Variants in NAV3 observed in about 807,000 individuals in gnomAD.
The protein encoded by NAV3 is neuron navigator 3.
NAV3 carries 87 observed loss-of-function variants against 244.7 expected under a neutral mutation model. The observed-to-expected ratio is 0.36, with a 90% CI of 0.30 to 0.42. The LOEUF is 0.42. NAV3 is among the 20% of genes least tolerant of loss of function. The pLI is 1.00. For missense variants in NAV3, 2,663 were observed against 2,893.3 expected (o/e 0.92, Z 1.83); for synonymous variants, 1,126 against 1,042.2 (o/e 1.08, Z -1.55).
At chr12:78,204,844 A>C in intron 38 of NAV3, 91 bp from the exon 39 acceptor site, 1 of 1,114,288 alleles carries the variant, frequency 9.0e-7, no homozygotes, top group Non-Finnish European at 1.3e-6. Context: ...AGAACTCAAT[A>C]TGTCAAAAAA....
chr12:77,963,834 T>A (rs1339725483), intron 3 of NAV3, among the ~76,000 whole-genome samples: 2 of 147,994 alleles, frequency 1.4e-5, no homozygotes, highest in Non-Finnish European at 3.0e-5. Context: ...TCCTTCCCCT[T>A]CCTTCCTTCC....
intron 2 of NAV3, among the ~76,000 whole-genome samples, chr12:77,767,872 T>G (rs1869860494): frequency 6.6e-6 from 1 of 152,224 alleles, no homozygotes. Flanking sequence ...ACAGCCCTGT[T>G]TCTGTTACAG....
chr12:77,984,921 A>T (rs1177336673), intron 5 of NAV3, among the ~76,000 whole-genome samples: 2 of 151,866 alleles, frequency 1.3e-5, no homozygotes, highest in Non-Finnish European at 2.9e-5. Flanking sequence ...GGTTCAAGCG[A>T]TTCTCCTGCC....
intron 2 of NAV3, among the ~76,000 whole-genome samples, chr12:77,596,133 A>AC (rs1870157720): frequency 6.6e-6 from 1 of 152,196 alleles, no homozygotes; most frequent in Non-Finnish European, 1.5e-5. Context: ...CTGGGTCCAT[A>AC]TCACAGCTCT....
chr12:78,148,685 T>G, intron 21 of NAV3, 157 bp from the exon 22 acceptor site: 1 of 609,974 alleles, frequency 1.6e-6, no homozygotes, highest in East Asian at 2.9e-5. Flanking sequence ...TGCTTGTTAC[T>G]GTGGAGTCAG....
intron 2 of NAV3, among the ~76,000 whole-genome samples, chr12:77,791,082 G>A (rs780532429): frequency 1.2e-4 from 19 of 152,162 alleles, no homozygotes; most frequent in Non-Finnish European, 2.5e-4. Context: ...TTGGCCGGGC[G>A]CGGTGGCTCA....
intron 2 of NAV3, among the ~76,000 whole-genome samples, chr12:77,641,032 G>A (rs1225477778): frequency 2.6e-5 from 4 of 152,088 alleles, no homozygotes; most frequent in African/African-American, 9.7e-5. Context: ...CTTCTAGAGA[G>A]GATTACTTAT....
intron 1 of NAV3, among the ~76,000 whole-genome samples, chr12:77,863,969 A>C (rs899137734): frequency 6.6e-6 from 1 of 151,906 alleles, no homozygotes; most frequent in Admixed American, 6.6e-5. Context: ...CCAATTTCTC[A>C]AACACTATAT....
intron 18 of NAV3, among the ~76,000 whole-genome samples, chr12:78,132,752 T>A (rs1052047235): frequency 3.9e-5 from 6 of 152,164 alleles, no homozygotes; most frequent in African/African-American, 1.4e-4. Context: ...AATCAACATT[T>A]CACTTTCTGT....
At chr12:77,627,825 T>C (rs1013511569) in intron 2 of NAV3, among the ~76,000 whole-genome samples, 7 of 152,166 alleles carry the variant, frequency 4.6e-5, no homozygotes, top group African/African-American at 1.7e-4. Context: ...GGTATATATA[T>C]ACAATGGTAA....
chr12:77,941,721 A>G (rs902296409), intron 3 of NAV3, among the ~76,000 whole-genome samples: 1 of 152,202 alleles, frequency 6.6e-6, no homozygotes, highest in African/African-American at 2.4e-5. Flanking sequence ...CAAGTTTTAT[A>G]ATAAAGTCAA....
chr12:77,866,228 G>A (rs1268000276), intron 1 of NAV3, among the ~76,000 whole-genome samples: 1 of 152,160 alleles, frequency 6.6e-6, no homozygotes, highest in Non-Finnish European at 1.5e-5. Flanking sequence ...GAGGAATTGA[G>A]TGGGTGTTCG....
chr12:78,102,688 A>G (rs1039168212), intron 12 of NAV3, among the ~76,000 whole-genome samples: 7 of 152,272 alleles, frequency 4.6e-5, no homozygotes, highest in Admixed American at 2.6e-4. Context: ...GCATTTCCAT[A>G]CATCTGAAAT....
chr12:77,783,769 A>G (rs1259316204), intron 2 of NAV3, among the ~76,000 whole-genome samples: 1 of 152,218 alleles, frequency 6.6e-6, no homozygotes, highest in Non-Finnish European at 1.5e-5. Context: ...TTGCAGATAC[A>G]TACAATTTAA....
At chr12:77,634,976 C>T (rs1872092165) in intron 2 of NAV3, among the ~76,000 whole-genome samples, 1 of 151,980 alleles carries the variant, frequency 6.6e-6, no homozygotes, top group African/African-American at 2.4e-5. Context: ...TGCCTGTAAT[C>T]CTGGCACTTT....
intron 5 of NAV3, among the ~76,000 whole-genome samples, chr12:77,983,545 C>G (rs975339161): frequency 6.6e-6 from 1 of 152,102 alleles, no homozygotes; most frequent in Admixed American, 6.6e-5. Context: ...TAGTATGTGG[C>G]TCCGGAGCCT....
At chr12:77,995,653 C>A (rs917663070) in intron 6 of NAV3, among the ~76,000 whole-genome samples, 25 of 152,286 alleles carry the variant, frequency 1.6e-4, no homozygotes, top group African/African-American at 6.0e-4. Context: ...ACCACAAAGA[C>A]TGCGTCTGAT....
At chr12:77,677,017 A>C (rs12305673) in intron 2 of NAV3, among the ~76,000 whole-genome samples, 8,671 of 151,920 alleles carry the variant, frequency 0.057, 583 homozygotes, top group African/African-American at 0.17. Flanking sequence ...ACTCATTAAA[A>C]CTCCTAAACC....
chr12:77,588,592 C>T (rs536123695), intron 2 of NAV3, among the ~76,000 whole-genome samples: 13 of 152,120 alleles, frequency 8.5e-5, no homozygotes, highest in Non-Finnish European at 1.6e-4. Flanking sequence ...TTTCAGGCAC[C>T]TTAAGTCCCA....
Sources: gnomAD v4.1 joint callset for allele counts (sites outside exome capture counted in the v4.1 genomes callset) on GRCh38, gnomAD v4.1.1 for gene constraint, MANE v1.5 for transcripts, NCBI Gene and HGNC (gene_info 2026-07-23, HGNC 2026-07-21) for gene names.